Variants in CAST observed in about 807,000 individuals in gnomAD.
CAST encodes MIR583 host.
Under a neutral mutation model 119.6 loss-of-function variants are expected in CAST, and 76 were observed. The observed-to-expected ratio is 0.64, with a 90% CI of 0.53 to 0.77. The LOEUF is 0.77. CAST is among the 30% of genes least tolerant of loss of function. The pLI is 0.00. For synonymous variants in CAST, 319 were observed against 331.6 expected (o/e 0.96, Z 0.41); for missense variants, 953 against 946.5 (o/e 1.01, Z -0.09).
chr5:96,625,260 TTC>T (rs931081641), intron 1 of CAST, among the ~76,000 whole-genome samples: 12 of 152,122 alleles, frequency 7.9e-5, no homozygotes, highest in African/African-American at 2.7e-4. Flanking sequence ...TTAAATTTTA[TTC>T]TCTCTCTTTC....
chr5:96,720,912 A>G (rs575466390), intron 3 of CAST, among the ~76,000 whole-genome samples: 1 of 152,226 alleles, frequency 6.6e-6, no homozygotes, highest in Non-Finnish European at 1.5e-5. Context: ...GAGGGGAATC[A>G]TTAAAGGAAT....
chr5:96,470,374 T>C, the CAST span, among the ~76,000 whole-genome samples: 1 of 152,008 alleles, frequency 6.6e-6, no homozygotes, highest in South Asian at 2.1e-4. Flanking sequence ...TCATGCACTA[T>C]AGCAGTAACC....
At chr5:96,317,074 C>G in the CAST span, among the ~76,000 whole-genome samples, 2 of 151,992 alleles carry the variant, frequency 1.3e-5, no homozygotes, top group Admixed American at 1.3e-4. Context: ...TAACATACAC[C>G]GAAGGAGATA....
intron 30 of CAST, among the ~76,000 whole-genome samples, chr5:96,770,940 A>G (rs1772078804): frequency 6.6e-6 from 1 of 152,130 alleles, no homozygotes; most frequent in African/African-American, 2.4e-5. Context: ...TATTAAAATT[A>G]CTCAAGCTGT....
chr5:96,156,043 A>T, the CAST span, among the ~76,000 whole-genome samples: 1 of 152,204 alleles, frequency 6.6e-6, no homozygotes, highest in African/African-American at 2.4e-5. Flanking sequence ...GCGGAAAGTA[A>T]ATCATTTTCA....
the CAST span, among the ~76,000 whole-genome samples, chr5:96,336,806 T>C: frequency 1.3e-5 from 2 of 152,228 alleles, no homozygotes; most frequent in African/African-American, 4.8e-5. Flanking sequence ...AGTCAGGAGA[T>C]GTGACTTTTA....
the CAST span, among the ~76,000 whole-genome samples, chr5:96,403,049 T>A: frequency 6.6e-6 from 1 of 152,232 alleles, no homozygotes; most frequent in East Asian, 1.9e-4. Context: ...CAGGTGCATG[T>A]GTGGAGGCAG....
intron 2 of CAST, among the ~76,000 whole-genome samples, chr5:96,686,596 T>C (rs578127889): frequency 6.6e-6 from 1 of 152,048 alleles, no homozygotes; most frequent in East Asian, 1.9e-4. Flanking sequence ...TTCCAAGCTG[T>C]TTTTGTGGAG....
the CAST span, among the ~76,000 whole-genome samples, chr5:96,212,089 T>G: frequency 6.6e-6 from 1 of 152,130 alleles, no homozygotes; most frequent in Non-Finnish European, 1.5e-5. Flanking sequence ...GTTTTAGTTT[T>G]ATTGATTTTT....
chr5:96,643,398 C>A (rs1312517324), intron 1 of CAST, among the ~76,000 whole-genome samples: 3 of 152,088 alleles, frequency 2.0e-5, no homozygotes, highest in Non-Finnish European at 4.4e-5. Flanking sequence ...TTGTTTATGG[C>A]TGGTGAGGGG....
the CAST span, among the ~76,000 whole-genome samples, chr5:96,168,086 ATATTT>A: frequency 6.6e-6 from 1 of 152,176 alleles, no homozygotes; most frequent in African/African-American, 2.4e-5. Flanking sequence ...CTGGAAGGAG[ATATTT>A]TCCTTGGTCC....
chr5:96,004,861 A>G, the CAST span, among the ~76,000 whole-genome samples: 1 of 152,164 alleles, frequency 6.6e-6, no homozygotes. Flanking sequence ...GTGAATGAAG[A>G]GACCCTTGTA....
At chr5:96,404,800 C>G in the CAST span, among the ~76,000 whole-genome samples, 1 of 152,072 alleles carries the variant, frequency 6.6e-6, no homozygotes, top group African/African-American at 2.4e-5. Flanking sequence ...CCTCTCTAAG[C>G]CTTATTTTTT....
the CAST span, among the ~76,000 whole-genome samples, chr5:95,998,625 T>C: frequency 2.6e-5 from 4 of 152,240 alleles, 1 homozygote; most frequent in Admixed American, 2.6e-4. Context: ...TATTCCATGG[T>C]ATCTGTGTAC....
intron 1 of CAST, among the ~76,000 whole-genome samples, chr5:96,534,757 GAA>G (rs369483194): frequency 0.081 from 5,669 of 70,236 alleles, 723 homozygotes; most frequent in Non-Finnish European, 0.11. Flanking sequence ...AAGAAAGAAA[GAA>G]AGAAAGAAAG....
chr5:96,240,739 T>C, the CAST span, among the ~76,000 whole-genome samples: 19 of 140,140 alleles, frequency 1.4e-4, no homozygotes, highest in African/African-American at 4.0e-4. Flanking sequence ...AACTTTCTTT[T>C]TTTTTTTTTT....
At chr5:96,457,506 C>T in the CAST span, among the ~76,000 whole-genome samples, 1 of 152,120 alleles carries the variant, frequency 6.6e-6, no homozygotes, top group East Asian at 1.9e-4. Context: ...CCCTCCTCGT[C>T]TCCTCCCATG....
At chr5:96,043,310 A>G in the CAST span, among the ~76,000 whole-genome samples, 3 of 152,174 alleles carry the variant, frequency 2.0e-5, no homozygotes, top group Admixed American at 6.6e-5. Context: ...CATAAAATTA[A>G]CCTCATAGTC....
the CAST span, among the ~76,000 whole-genome samples, chr5:96,348,710 G>A: frequency 6.6e-6 from 1 of 152,270 alleles, no homozygotes; most frequent in Admixed American, 6.5e-5. Context: ...ATGGTGTACA[G>A]AGGAGGCAGA....
Sources: gnomAD v4.1 joint callset for allele counts (sites outside exome capture counted in the v4.1 genomes callset) on GRCh38, gnomAD v4.1.1 for gene constraint, MANE v1.5 for transcripts, NCBI Gene and HGNC (gene_info 2026-07-23, HGNC 2026-07-21) for gene names.